Variants in DCAF1 observed in about 807,000 individuals in gnomAD.
The protein encoded by DCAF1 is DDB1 and CUL4 associated factor 1.
DCAF1 carries 15 observed loss-of-function variants against 128.0 expected under a neutral mutation model. The observed-to-expected ratio is 0.12, with a 90% CI of 0.08 to 0.18. The LOEUF is 0.18. Ranked by LOEUF, DCAF1 falls within the 10% of genes least tolerant of loss-of-function variation. The probability of loss-of-function intolerance (pLI) is 1.00; values close to 1 mark genes in which losing one functional copy is unlikely to be tolerated. For synonymous variants in DCAF1, 610 were observed against 603.0 expected, an observed-to-expected ratio of 1.01 and a Z score of -0.17; for missense variants, 988 against 1,649.5, an observed-to-expected ratio of 0.60 and a Z score of 6.95.
chr3:51,494,739 G>A (rs529811217), intron 2 of DCAF1, among the ~76,000 whole-genome samples: 2 of 151,838 alleles, frequency 1.3e-5, no homozygotes, highest in South Asian at 4.2e-4. Context: ...TTATTATTTT[G>A]TAGAGACAGG....
upstream of DCAF1, among the ~76,000 whole-genome samples, chr3:51,503,292 C>T (rs1206347829): frequency 6.6e-6 from 1 of 152,120 alleles, no homozygotes; most frequent in Admixed American, 6.5e-5. Context: ...GCATGCTCTA[C>T]CTACTCCCAC....
intron 2 of DCAF1, among the ~76,000 whole-genome samples, chr3:51,494,519 G>C (rs958280627): frequency 3.9e-5 from 6 of 152,014 alleles, no homozygotes; most frequent in Admixed American, 6.6e-5. Flanking sequence ...CTTCAAAATG[G>C]GTAGTCGTTA....
In DCAF1 at chr3:51,403,715, C is replaced by T. The variant is rs1425821859; in HGVS notation, c.4213-320G>A. On this transcript the variant is annotated intron_variant, in intron 23 of 24. Transcript: ENST00000684031. ...GCCCAAGGGGACTCTTCTTTCTCAC[C>T]TGCATCAACCAAAGCAAGTGAAATC... Among the ~76,000 whole-genome samples, 4 of 152,348 alleles carry T rather than the reference C, an allele frequency of 2.6e-5. No individual in the cohort carries two copies. The East Asian group carries it at 7.7e-4, about 29-fold the overall frequency.
intron 13 of DCAF1, 29 bp from the exon 14 acceptor site, chr3:51,422,460 A>T: frequency 1.4e-6 from 1 of 717,752 alleles, no homozygotes. Context: ...TCAAAGGGAA[A>T]TTAGAGTATA....
chr3:51,492,724 G>A (rs1707793074), intron 2 of DCAF1, among the ~76,000 whole-genome samples: 1 of 152,160 alleles, frequency 6.6e-6, no homozygotes. Flanking sequence ...CCCGGGCGCG[G>A]TGGCTCATGC....
intron 13 of DCAF1, among the ~76,000 whole-genome samples, chr3:51,422,784 C>G (rs1699524002): frequency 6.6e-6 from 1 of 152,078 alleles, no homozygotes; most frequent in African/African-American, 2.4e-5. Flanking sequence ...AATCTGGAGG[C>G]CAGGCACGGT....
At chr3:51,467,959 A>G (rs1704312658) in intron 4 of DCAF1, among the ~76,000 whole-genome samples, 1 of 152,166 alleles carries the variant, frequency 6.6e-6, no homozygotes, top group Non-Finnish European at 1.5e-5. Flanking sequence ...CAATGACAAC[A>G]GCAACAGAGA....
intron 6 of DCAF1, among the ~76,000 whole-genome samples, chr3:51,446,016 C>T (rs1701815893): frequency 8.0e-6 from 1 of 125,446 alleles, no homozygotes; most frequent in African/African-American, 3.0e-5. Context: ...TTTTTCCAGA[C>T]AGAGTCTTGC....
At chr3:51,453,789 C>G (rs553111303) in intron 6 of DCAF1, among the ~76,000 whole-genome samples, 1 of 152,180 alleles carries the variant, frequency 6.6e-6, no homozygotes, top group Admixed American at 6.5e-5. Flanking sequence ...CCCATCTCTA[C>G]TAAAAATATA....
At position 51,398,578 on chromosome 3, in the gene DCAF1, TG is replaced by T; in HGVS notation, c.*190del. The T allele has an allele frequency of 1.5e-6, 1 of 657,806 alleles. No individual in the cohort carries two copies. The highest frequency in any genetic ancestry group is 2.8e-5 in the East Asian group (1 of 35,884). The allele number at this position is 657,806 out of a possible 1,614,324, so 40.7% of individuals were successfully genotyped here. On this transcript the variant is annotated 3_prime_UTR_variant, in exon 25 of 25. Coordinates refer to ENST00000684031, the MANE Select transcript of DCAF1 (RefSeq NM_001387579.1). ...AGGGCCTAGTCCCTGTTGTCATTTTTGTGGTGGTTATTGATTCTGGAAGGAC... is the reference window on the plus strand; with the variant it reads ...AGGGCCTAGTCCCTGTTGTCATTTTTTGGTGGTTATTGATTCTGGAAGGAC...
intron 3 of DCAF1, among the ~76,000 whole-genome samples, chr3:51,475,662 C>T (rs1309443210): frequency 2.0e-5 from 3 of 152,298 alleles, no homozygotes; most frequent in African/African-American, 7.2e-5. Context: ...GAGATCAAGA[C>T]CATCCTGGCT....
intron 22 of DCAF1, 56 bp downstream of exon 22, chr3:51,412,937 G>A (rs1698563006): frequency 1.9e-6 from 3 of 1,601,064 alleles, no homozygotes; most frequent in African/African-American, 1.3e-5. Flanking sequence ...AGTACAACTT[G>A]AAAATTATCC....
intron 1 of DCAF1, among the ~76,000 whole-genome samples, 123 bp from the exon 2 acceptor site, chr3:51,496,903 G>A (rs1403117552): frequency 6.6e-6 from 1 of 152,104 alleles, no homozygotes; most frequent in Non-Finnish European, 1.5e-5. Flanking sequence ...ATCTGCTAGG[G>A]TATTTAGGGA....
At position 51,414,735 on chromosome 3, in the gene DCAF1, G is replaced by A; in HGVS notation, c.3726C>T (p.Val1242=). The change falls in exon 19 of 25, where the codon GTC becomes GTT. Residue 1242 remains valine (V), a synonymous_variant. Transcript: ENST00000684031. The part of the protein sequence containing the change: ...PTDDLVLNDG[V]LWDVRSAQAI... ...CCTGTGCAGAGCGGACATCCCAGAG[G>A]ACGCCATCATTTAAGACAAGATCAT... is the stretch of plus-strand genomic sequence containing the variant. The A allele has an allele frequency of 6.2e-7, 1 of 1,613,998 alleles. No homozygotes were observed.
At chr3:51,462,771 A>G (rs894532092) in intron 6 of DCAF1, among the ~76,000 whole-genome samples, 7 of 150,274 alleles carry the variant, frequency 4.7e-5, no homozygotes, top group African/African-American at 1.5e-4. Context: ...AAAAAACTAT[A>G]GCACCCAAAC....
chr3:51,438,575 A>C (rs891462945), intron 9 of DCAF1, among the ~76,000 whole-genome samples: 2 of 152,248 alleles, frequency 1.3e-5, no homozygotes, highest in Non-Finnish European at 2.9e-5. Flanking sequence ...CAAAAATAAA[A>C]AGTTATTTTA....
At chr3:51,485,195 G>A (rs568552654) in intron 2 of DCAF1, among the ~76,000 whole-genome samples, 10 of 152,274 alleles carry the variant, frequency 6.6e-5, no homozygotes, top group Middle Eastern at 3.4e-3. Flanking sequence ...GATTACAGGC[G>A]TGACCCACCG....
rs1553631721 is a variant in DCAF1, at chr3:51,419,835, T to C, written c.3135A>G (p.Gln1045=). 3.1e-6 allele frequency: 5 copies of C among 1,613,946 alleles called. No individual in the cohort carries two copies. Among genetic ancestry groups the C allele is most frequent in the African/African-American group, 1.3e-5 (1 of 74,944 alleles). Residue 1045 remains glutamine (Q), a synonymous_variant, in exon 15 of 25, where the codon CAA becomes CAG. Transcript: ENST00000684031. ...GCCTTGACGTAAAGTTTATTGGCGC[T>C]TGCCGCCTCTGTTTTGGCTCAGGAC... ...HQCPEPKQRR[Q]APINFTSRLN...
intron 3 of DCAF1, among the ~76,000 whole-genome samples, chr3:51,481,987 T>A (rs1482226758): frequency 6.6e-6 from 1 of 151,062 alleles, no homozygotes; most frequent in Non-Finnish European, 1.5e-5. Context: ...TGAGACTCCA[T>A]CCCCCCAAAA....
Sources: gnomAD v4.1 joint callset for allele counts (sites outside exome capture counted in the v4.1 genomes callset) on GRCh38, gnomAD v4.1.1 for gene constraint, MANE v1.5 for transcripts, NCBI Gene and HGNC (gene_info 2026-07-23, HGNC 2026-07-21) for gene names.